The following DGKH variants were observed in gnomAD, a reference collection of about 807,000 sequenced individuals.
DGKH encodes the protein diacylglycerol kinase eta, also known as DAG kinase eta.
In DGKH, 90 loss-of-function variants were observed where a neutral mutation model predicts 159.3. The ratio of observed to expected loss-of-function variants is 0.57; its 90% CI spans 0.48 to 0.67. The LOEUF is 0.67. Ranked by LOEUF, DGKH falls within the 30% of genes least tolerant of loss-of-function variation. DGKH has a pLI of 0.00. For synonymous variants in DGKH, 536 were observed against 553.8 expected (o/e 0.97, Z 0.45); for missense variants, 1,181 against 1,506.1 (o/e 0.78, Z 3.57).
intron 20 of DGKH, among the ~76,000 whole-genome samples, chr13:42,202,136 A>G (rs1957361968): frequency 6.6e-6 from 1 of 152,244 alleles, no homozygotes; most frequent in Non-Finnish European, 1.5e-5. Flanking sequence ...GGAAAATAAA[A>G]TGAGTAAAAC....
intron 1 of DGKH, among the ~76,000 whole-genome samples, chr13:42,113,835 A>C (rs1954914686): frequency 6.6e-6 from 1 of 152,194 alleles, no homozygotes; most frequent in South Asian, 2.1e-4. Context: ...ATAAAAGGAA[A>C]AAGCAATGTT....
At chr13:42,195,042 T>G in intron 17 of DGKH, 26 bp downstream of exon 17, 1 of 1,603,482 alleles carries the variant, frequency 6.2e-7, no homozygotes, top group Non-Finnish European at 8.5e-7. Context: ...AAACATCGTG[T>G]ATTTTTCAGT....
At chr13:42,162,356 C>A (rs371765275) in intron 7 of DGKH, among the ~76,000 whole-genome samples, 39 of 151,990 alleles carry the variant, frequency 2.6e-4, no homozygotes, top group East Asian at 1.7e-3. Context: ...ACTAAAAATA[C>A]AAAAAAATTA....
intron 23 of DGKH, among the ~76,000 whole-genome samples, 187 bp downstream of exon 23, chr13:42,209,652 G>T (rs570612214): frequency 3.9e-5 from 6 of 152,154 alleles, no homozygotes; most frequent in Admixed American, 3.3e-4. Context: ...GCCATTTTAG[G>T]TTTACAGAAA....
chr13:42,048,637 G>C, upstream of DGKH: 1 of 1,112,492 alleles, frequency 9.0e-7, no homozygotes, highest in Non-Finnish European at 1.1e-6. The surrounding 1 kb of genome is among the most constrained non-coding windows in gnomAD (Gnocchi z 6.7). Context: ...CTTACCTCGC[G>C]GGGGTAGCTA....
At chr13:42,092,934 C>G (rs1370296064) in intron 1 of DGKH, among the ~76,000 whole-genome samples, 1 of 151,910 alleles carries the variant, frequency 6.6e-6, no homozygotes, top group African/African-American at 2.4e-5. Context: ...AAATCATCAG[C>G]AAGCACACGA....
At chr13:42,085,361 C>T (rs1452400327) in intron 1 of DGKH, among the ~76,000 whole-genome samples, 3 of 152,178 alleles carry the variant, frequency 2.0e-5, no homozygotes. Flanking sequence ...CTGTGAACCT[C>T]TCTAGAAGCT....
chr13:42,107,354 C>T (rs760888345), intron 1 of DGKH, among the ~76,000 whole-genome samples: 1 of 152,158 alleles, frequency 6.6e-6, no homozygotes, highest in Non-Finnish European at 1.5e-5. Flanking sequence ...GCAGACACTG[C>T]AGGCAGTGGG....
rs924925607 is a variant in DGKH, at chr13:42,181,672, C to A, written c.1538+3452C>A. 7 of 395,904 alleles carry A rather than the reference C, an allele frequency of 1.8e-5. No homozygotes were observed. In the East Asian group the frequency reaches 5.8e-4, roughly 33 times the overall value. 24.5% of individuals were successfully genotyped at this position (395,904 alleles called of 1,614,324 possible). A position where few individuals can be genotyped will look rare whatever the true frequency, so the allele number is the denominator to read the frequency against. On this transcript the variant is annotated intron_variant, in intron 13 of 29. Coordinates refer to ENST00000337343, the MANE Select transcript of DGKH (RefSeq NM_178009.5). ...CCAGCATTACTTCCTCTGTTTAAGC[C>A]ACCCCATTCCCATGATAGTTGACCC...
chr13:42,197,899 A>G (rs913233508), intron 17 of DGKH, among the ~76,000 whole-genome samples: 7 of 152,204 alleles, frequency 4.6e-5, no homozygotes, highest in Admixed American at 4.6e-4. Flanking sequence ...GTTGGAAAGC[A>G]TGTTGAAATA....
At chr13:42,166,797 A>G (rs13378817) in intron 9 of DGKH, 123 bp downstream of exon 9, 123,112 of 837,720 alleles carry the variant, frequency 0.15, 9,893 homozygotes, top group South Asian at 0.17. Context: ...TTAAAGCTCT[A>G]ATTATAAGTT....
Position 42,048,681 on chromosome 13 carries a change from G to A in DGKH, c.-93G>A. On this transcript the variant is annotated 5_prime_UTR_variant, in exon 1 of 30. Transcript: ENST00000337343. This position sits in a 1 kb window ranked among gnomAD's most constrained non-coding sequence, Gnocchi z 6.7. ...GAAGATGGCGGCGGCGGCCGGGCAC[G>A]GGGTTCCGGGCTCCGCTCGGGCAGA... The A allele has an allele frequency of 8.2e-7, 1 of 1,213,778 alleles. No individual in the cohort carries two copies. The highest frequency in any genetic ancestry group is 1.0e-6 in the Non-Finnish European group (1 of 972,578). 75.2% of individuals were successfully genotyped at this position (1,213,778 alleles called of 1,614,324 possible).
chr13:42,157,581 A>G (rs773057088), intron 5 of DGKH, among the ~76,000 whole-genome samples: 46 of 152,276 alleles, frequency 3.0e-4, no homozygotes, highest in Non-Finnish European at 5.3e-4. Flanking sequence ...TGAGGTTGGG[A>G]GTTGTAAGCC....
downstream of DGKH, among the ~76,000 whole-genome samples, chr13:42,244,861 G>A (rs1253009700): frequency 4.4e-5 from 5 of 112,834 alleles, no homozygotes; most frequent in Non-Finnish European, 6.6e-5. Flanking sequence ...CCGAGATCCC[G>A]CCACTGCACT....
At position 42,048,687 on chromosome 13, in the gene DGKH, C is replaced by G. The variant is rs1248346644; in HGVS notation, c.-87C>G. The G allele has an allele frequency of 8.2e-7, 1 of 1,216,922 alleles. No homozygotes were observed. The highest frequency in any genetic ancestry group is 4.3e-5 in the Admixed American group (1 of 23,026). 75.4% of individuals were successfully genotyped at this position (1,216,922 alleles called of 1,614,324 possible). ...GGCGGCGGCGGCCGGGCACGGGGTT[C>G]CGGGCTCCGCTCGGGCAGAGCCCAC... On this transcript the variant is annotated 5_prime_UTR_variant, in exon 1 of 30. Coordinates refer to ENST00000337343, the MANE Select transcript of DGKH (RefSeq NM_178009.5). This position sits in a 1 kb window ranked among gnomAD's most constrained non-coding sequence, Gnocchi z 6.7.
intron 9 of DGKH, among the ~76,000 whole-genome samples, chr13:42,167,193 A>C (rs1231861249): frequency 2.0e-5 from 3 of 152,200 alleles, no homozygotes; most frequent in Non-Finnish European, 4.4e-5. Context: ...GATAAAATGA[A>C]CTAAGTGGTA....
intron 1 of DGKH, among the ~76,000 whole-genome samples, chr13:42,094,932 T>C (rs1174861910): frequency 6.6e-6 from 1 of 152,158 alleles, no homozygotes; most frequent in Non-Finnish European, 1.5e-5. Context: ...GGGATATGTG[T>C]CAGCTAGTTC....
At chr13:42,065,773 G>C (rs1318746380) in intron 1 of DGKH, among the ~76,000 whole-genome samples, 1 of 152,204 alleles carries the variant, frequency 6.6e-6, no homozygotes, top group African/African-American at 2.4e-5. Flanking sequence ...ATAGCCAGTA[G>C]TAAAATGTGG....
intron 16 of DGKH, among the ~76,000 whole-genome samples, chr13:42,192,441 T>C (rs1284943054): frequency 6.6e-6 from 1 of 152,172 alleles, no homozygotes. Context: ...TAACAACTAC[T>C]GGCCTTTATG....
Sources: gnomAD v4.1 joint callset for allele counts (sites outside exome capture counted in the v4.1 genomes callset) on GRCh38, gnomAD v4.1.1 for gene constraint, Gnocchi (gnomAD v3.1) non-coding constraint, MANE v1.5 for transcripts, NCBI Gene and HGNC (gene_info 2026-07-23, HGNC 2026-07-21) for gene names.